The following CNIH3 variants were observed in gnomAD, a reference collection of about 807,000 sequenced individuals.
CNIH3 encodes the protein cornichon family AMPA receptor auxiliary protein 3.
A neutral mutation model predicts 24.1 loss-of-function variants in CNIH3; 14 were observed. That is an observed-to-expected ratio of 0.58 (90% CI 0.38 to 0.91). The LOEUF (loss-of-function observed/expected upper bound fraction) is 0.91. Among genes scored for constraint, CNIH3 ranks in the 40% least tolerant of loss-of-function variants. The pLI is 0.00. For synonymous variants in CNIH3, 68 were observed against 73.8 expected, an observed-to-expected ratio of 0.92 and a Z score of 0.40; for missense variants, 178 against 196.8, an observed-to-expected ratio of 0.90 and a Z score of 0.57.
downstream of CNIH3, among the ~76,000 whole-genome samples, chr1:224,591,476 G>C (rs1286982970): frequency 6.6e-6 from 1 of 152,192 alleles, no homozygotes; most frequent in Non-Finnish European, 1.5e-5. Flanking sequence ...GAAGAGATGA[G>C]TTTCTTGGAG....
chr1:224,618,170 C>T (rs1007127834), intron 1 of CNIH3, among the ~76,000 whole-genome samples: 1 of 152,246 alleles, frequency 6.6e-6, no homozygotes, highest in Non-Finnish European at 1.5e-5. Context: ...AAAGACTGTG[C>T]AACATTTAGC....
At chr1:224,556,091 T>C (rs943028993) in intron 3 of CNIH3, among the ~76,000 whole-genome samples, 1 of 152,216 alleles carries the variant, frequency 6.6e-6, no homozygotes, top group African/African-American at 2.4e-5. Context: ...TTTACTTGTT[T>C]CAATTCTTTG....
intron 1 of CNIH3, among the ~76,000 whole-genome samples, chr1:224,650,123 C>T (rs1160025946): frequency 6.6e-6 from 1 of 152,120 alleles, no homozygotes; most frequent in African/African-American, 2.4e-5. Flanking sequence ...TTATACACAA[C>T]CTAAGTGTCC....
chr1:224,597,159 A>G (rs1214100182), intron 3 of CNIH3, among the ~76,000 whole-genome samples: 2 of 129,002 alleles, frequency 1.6e-5, no homozygotes, highest in East Asian at 5.6e-4. Context: ...TCTCAAAAAC[A>G]AACAAACAAA....
At chr1:224,714,331 A>T (rs1183219967) in intron 3 of CNIH3, among the ~76,000 whole-genome samples, 1 of 152,144 alleles carries the variant, frequency 6.6e-6, no homozygotes, top group South Asian at 2.1e-4. Context: ...ACCACTCCTT[A>T]AACTCACTGA....
At chr1:224,499,449 C>T (rs1033277394) in intron 1 of CNIH3, among the ~76,000 whole-genome samples, 2 of 152,244 alleles carry the variant, frequency 1.3e-5, no homozygotes, top group Non-Finnish European at 1.5e-5. Context: ...ACTAATCAAT[C>T]GTTGTTTTTG....
At position 224,575,702 on chromosome 1, in the gene CNIH3, C is replaced by T. The variant is rs78995811; in HGVS notation, n.517-7462C>T. Among the ~76,000 whole-genome samples the T allele has an allele frequency of 2.4e-3, 363 of 152,042 alleles. 9 individuals carry two copies. The East Asian group carries it at 0.048, about 20-fold the overall frequency. ...CTGAGTTTTGACTGCTTGGAAATGT[C>T]ATCCTTTCAGCAAGACTTCTCTTTA... is the stretch of plus-strand genomic sequence containing the variant. On this transcript the variant is annotated intron_variant and non_coding_transcript_variant, in intron 4 of 5. Transcript: ENST00000471578.
At chr1:224,564,257 A>G (rs1680491664) in intron 3 of CNIH3, among the ~76,000 whole-genome samples, 1 of 152,216 alleles carries the variant, frequency 6.6e-6, no homozygotes, top group African/African-American at 2.4e-5. Flanking sequence ...TGTGCTAGGC[A>G]CTGGTGGCAC....
intron 1 of CNIH3, among the ~76,000 whole-genome samples, chr1:224,675,186 G>A (rs1686080056): frequency 6.6e-6 from 1 of 152,188 alleles, no homozygotes; most frequent in South Asian, 2.1e-4. Flanking sequence ...AAAAATAGGG[G>A]TGGCTCCGAA....
chr1:224,484,847 A>C (rs1676964624), intron 1 of CNIH3, among the ~76,000 whole-genome samples: 1 of 152,228 alleles, frequency 6.6e-6, no homozygotes, highest in Non-Finnish European at 1.5e-5. Flanking sequence ...TCTTCAAAAA[A>C]TATCTTTCAT....
Position 224,739,587 on chromosome 1 carries a change from G to A in CNIH3, c.*231G>A, listed in dbSNP as rs1689772196. ...TCTTTGGCATTCGAATTCCACACAC[G>A]GGGTCCTAGAGCCCTTCTGAGCATC... On this transcript the variant is annotated 3_prime_UTR_variant, in exon 6 of 6. Coordinates refer to ENST00000272133, the MANE Select transcript of CNIH3 (RefSeq NM_152495.2). 6.9e-6 allele frequency: 5 copies of A among 729,652 alleles called. No homozygotes were observed. Among genetic ancestry groups the A allele is most frequent in the East Asian group, 2.8e-5 (1 of 36,220 alleles). 45.2% of individuals were successfully genotyped at this position (729,652 alleles called of 1,614,324 possible). A position where few individuals can be genotyped will look rare whatever the true frequency, so the allele number is the denominator to read the frequency against.
rs1682981572 is a variant in CNIH3 at position 224,616,346 on chromosome 1, G to GGCAGCGGCAGCA, written c.-824_-813dup. On this transcript the variant is annotated 5_prime_UTR_variant, in exon 1 of 6. Coordinates refer to ENST00000272133, the MANE Select transcript of CNIH3 (RefSeq NM_152495.2). ...TGGCAAAGGCGGCGGCGGCGGCGGC[G>GGCAGCGGCAGCA]GCAGCGGCAGCAGCAGGTGGAGCGA... The GGCAGCGGCAGCA allele has an allele frequency of 3.9e-6, 2 of 513,282 alleles. No individual in the cohort carries two copies. The highest frequency in any genetic ancestry group is 5.3e-6 in the Non-Finnish European group (2 of 376,892). The allele number at this position is 513,282 out of a possible 1,614,324, so 31.8% of individuals were successfully genotyped here. A position where few individuals can be genotyped will look rare whatever the true frequency, so the allele number is the denominator to read the frequency against.
At position 224,722,158 on chromosome 1, in the gene CNIH3, T is replaced by A. The variant is rs551433311; in HGVS notation, c.199-8304T>A. On this transcript the variant is annotated intron_variant, in intron 3 of 5. Coordinates refer to ENST00000272133, the MANE Select transcript of CNIH3 (RefSeq NM_152495.2). The stretch of plus-strand genomic sequence containing the variant: ...GGAGGAGGCCTCACACCAGGGGTTT[T>A]AAAAAAGAAGCATCTGCCTTGTGTG... 8.8e-4 allele frequency among the ~76,000 whole-genome samples: 134 copies of A among 152,244 alleles called. No individual in the cohort carries two copies. The Middle Eastern group carries it at 0.017, about 19-fold the overall frequency.
At chr1:224,610,454 C>T (rs1682637300) in intron 3 of CNIH3, among the ~76,000 whole-genome samples, 2 of 152,136 alleles carry the variant, frequency 1.3e-5, no homozygotes, top group African/African-American at 2.4e-5. Context: ...TTGGCAATTC[C>T]CTTTCACTCT....
intron 1 of CNIH3, among the ~76,000 whole-genome samples, chr1:224,654,175 A>G (rs924387331): frequency 6.6e-6 from 1 of 152,102 alleles, no homozygotes; most frequent in African/African-American, 2.4e-5. Context: ...TGAGGTCAGG[A>G]GTTCGAGACC....
chr1:224,656,670 A>G (rs1223492663), intron 1 of CNIH3, among the ~76,000 whole-genome samples: 1 of 152,134 alleles, frequency 6.6e-6, no homozygotes, highest in East Asian at 1.9e-4. Flanking sequence ...GCAGCATTTC[A>G]AAAGGGCTAA....
At chr1:224,665,877 T>A (rs956092141) in intron 1 of CNIH3, among the ~76,000 whole-genome samples, 4 of 148,630 alleles carry the variant, frequency 2.7e-5, no homozygotes, top group African/African-American at 7.4e-5. Context: ...CCGAGGAGCC[T>A]AGTGTGCTAG....
rs554844643 is a variant in CNIH3, at chr1:224,684,341, C to G, written c.151-455C>G. On this transcript the variant is annotated intron_variant, in intron 2 of 5. Transcript: ENST00000272133. The surrounding 1 kb of genome is among the most constrained non-coding windows in gnomAD (Gnocchi z 4.2). ...ACTTTAGAAAAATAAAACCAGCAGG[C>G]AGAGAACTTGTCTACCTTAGATACT... Among the ~76,000 whole-genome samples the G allele has an allele frequency of 1.1e-4, 17 of 152,326 alleles. No individual in the cohort carries two copies. Among genetic ancestry groups the G allele is most frequent in the African/African-American group, 4.1e-4 (17 of 41,572 alleles).
At chr1:224,717,945 C>T (rs886250469) in intron 3 of CNIH3, 2 of 152,140 alleles carry the variant, frequency 1.3e-5, no homozygotes, top group Admixed American at 1.3e-4. Context: ...GAAATCAGCT[C>T]AGTGATGGTG....
Sources: gnomAD v4.1 joint callset for allele counts (sites outside exome capture counted in the v4.1 genomes callset) on GRCh38, gnomAD v4.1.1 for gene constraint, Gnocchi (gnomAD v3.1) non-coding constraint, MANE v1.5 for transcripts, NCBI Gene and HGNC (gene_info 2026-07-23, HGNC 2026-07-21) for gene names.